The following THRB variants were observed in gnomAD, a reference collection of about 807,000 sequenced individuals.
The protein encoded by THRB is thyroid hormone receptor beta.
Under a neutral mutation model 47.8 loss-of-function variants are expected in THRB, and 12 were observed. The ratio of observed to expected loss-of-function variants is 0.25; its 90% confidence interval spans 0.16 to 0.41. THRB has a LOEUF of 0.41. Among genes scored for constraint, THRB ranks in the 10% least tolerant of loss-of-function variants. THRB has a pLI of 1.00. For missense variants in THRB, 348 were observed against 589.2 expected (o/e 0.59, Z 4.24); for synonymous variants, 218 against 212.2 (o/e 1.03, Z -0.24).
intron 3 of THRB, among the ~76,000 whole-genome samples, chr3:24,292,341 A>G (rs946741965): frequency 3.3e-5 from 5 of 152,170 alleles, no homozygotes; most frequent in African/African-American, 9.7e-5. Context: ...TGCTTTTACT[A>G]AAATGCTTTT....
At chr3:24,328,446 C>T (rs910340934) in intron 2 of THRB, among the ~76,000 whole-genome samples, 28 of 152,112 alleles carry the variant, frequency 1.8e-4, no homozygotes, top group African/African-American at 6.0e-4. Context: ...TCCAAATGTC[C>T]AAACCCAAAC....
intron 3 of THRB, among the ~76,000 whole-genome samples, chr3:24,256,520 TTAATAA>T (rs1003548931): frequency 1.3e-4 from 19 of 151,928 alleles, no homozygotes; most frequent in African/African-American, 4.4e-4. Flanking sequence ...GGAAGATATA[TTAATAA>T]TAATAATGAT....
At chr3:24,289,248 G>A (rs2055670644) in intron 3 of THRB, among the ~76,000 whole-genome samples, 1 of 152,104 alleles carries the variant, frequency 6.6e-6, no homozygotes, top group Admixed American at 6.6e-5. Flanking sequence ...AGATCTTTAG[G>A]TAGACAACTT....
At chr3:24,342,150 G>A (rs13085964) in intron 1 of THRB, among the ~76,000 whole-genome samples, 32,281 of 84,526 alleles carry the variant, frequency 0.38, 3,847 homozygotes, top group South Asian at 0.48. Flanking sequence ...TCCCTGTTGC[G>A]CTCAAAAAAA....
intron 1 of THRB, among the ~76,000 whole-genome samples, chr3:24,355,746 G>A (rs1181227573): frequency 6.6e-6 from 1 of 152,158 alleles, no homozygotes; most frequent in Non-Finnish European, 1.5e-5. Context: ...GGCAGAAAGG[G>A]TGTACACAAG....
At chr3:24,247,483 C>T (rs2050219010) in intron 3 of THRB, among the ~76,000 whole-genome samples, 2 of 152,178 alleles carry the variant, frequency 1.3e-5, no homozygotes, top group African/African-American at 2.4e-5. Flanking sequence ...ATGTGACTCC[C>T]TTGCCCAAAA....
At position 24,391,291 on chromosome 3, in the gene THRB, A is replaced by G. The variant is rs557203683; in HGVS notation, c.-260-53920T>C. Among the ~76,000 whole-genome samples the G allele has an allele frequency of 1.5e-4, 23 of 152,264 alleles. No homozygotes were observed. In the South Asian group the frequency reaches 3.1e-3, roughly 21 times the overall value. The stretch of plus-strand genomic sequence containing the variant: ...GAATAATTATAATTCAGCTACAGAA[A>G]AGGTCTTGTGGAGAGTTGTCTCTTT... On this transcript the variant is annotated intron_variant, in intron 1 of 10. Transcript: ENST00000646209.
intron 1 of THRB, among the ~76,000 whole-genome samples, chr3:24,347,091 T>C (rs1009130447): frequency 1.3e-5 from 2 of 151,964 alleles, no homozygotes; most frequent in Admixed American, 1.3e-4. Flanking sequence ...AATAATAAAA[T>C]AACTAAAAAT....
At chr3:24,399,090 A>C (rs376320914) in intron 1 of THRB, among the ~76,000 whole-genome samples, 219 of 145,016 alleles carry the variant, frequency 1.5e-3, no homozygotes, top group African/African-American at 4.8e-3. Flanking sequence ...GGGTGGGGGG[A>C]GTGGGGAGGG....
chr3:24,397,370 T>C (rs533558214), intron 1 of THRB, among the ~76,000 whole-genome samples: 1 of 152,166 alleles, frequency 6.6e-6, no homozygotes, highest in South Asian at 2.1e-4. Context: ...TGCTTAGAGA[T>C]TTGCTCCAAG....
intron 2 of THRB, among the ~76,000 whole-genome samples, chr3:24,298,103 T>C (rs1049930412): frequency 6.6e-6 from 1 of 152,216 alleles, no homozygotes; most frequent in Non-Finnish European, 1.5e-5. Flanking sequence ...GTTGTGCATA[T>C]GAAATGTGAG....
chr3:24,132,159 A>G (rs2033959753), intron 9 of THRB, among the ~76,000 whole-genome samples: 1 of 152,138 alleles, frequency 6.6e-6, no homozygotes, highest in South Asian at 2.1e-4. Context: ...CAGGTGAGGA[A>G]ACTTAGCTTC....
chr3:24,483,573 G>A (rs1271610895), intron 1 of THRB, among the ~76,000 whole-genome samples: 1 of 151,334 alleles, frequency 6.6e-6, no homozygotes, highest in Non-Finnish European at 1.5e-5. Context: ...AACACTCTTT[G>A]CATACTATGA....
At chr3:24,328,276 CA>C (rs1415014624) in intron 2 of THRB, among the ~76,000 whole-genome samples, 1 of 151,946 alleles carries the variant, frequency 6.6e-6, no homozygotes, top group Non-Finnish European at 1.5e-5. Context: ...GAAGTTAAGA[CA>C]AAATGTATAT....
At chr3:24,266,664 G>A (rs1316392728) in intron 3 of THRB, among the ~76,000 whole-genome samples, 1 of 152,082 alleles carries the variant, frequency 6.6e-6, no homozygotes, top group Non-Finnish European at 1.5e-5. Flanking sequence ...GCCAAGCCCA[G>A]GTCCCCAGCA....
intron 3 of THRB, among the ~76,000 whole-genome samples, chr3:24,247,457 G>A (rs946076111): frequency 3.9e-5 from 6 of 152,136 alleles, no homozygotes; most frequent in African/African-American, 1.2e-4. Flanking sequence ...ACAGTTGGGG[G>A]AACTAAAGTT....
chr3:24,481,279 G>A (rs1274976182), intron 1 of THRB, among the ~76,000 whole-genome samples: 2 of 124,014 alleles, frequency 1.6e-5, no homozygotes, highest in African/African-American at 6.6e-5. Flanking sequence ...AAACAGCAGA[G>A]CTTTTCTGCA....
chr3:24,398,185 G>A (rs988767493), intron 1 of THRB, among the ~76,000 whole-genome samples: 2 of 152,012 alleles, frequency 1.3e-5, no homozygotes, highest in African/African-American at 4.8e-5. Flanking sequence ...ATAGAAGAGG[G>A]AAAATGTGGG....
intron 6 of THRB, among the ~76,000 whole-genome samples, chr3:24,149,403 T>C (rs545214229): frequency 6.6e-6 from 1 of 152,154 alleles, no homozygotes; most frequent in African/African-American, 2.4e-5. Context: ...TGTTCAGGGG[T>C]GGGTTTAGGG....
Sources: allele counts gnomAD v4.1 joint callset (sites outside exome capture counted in the v4.1 genomes callset), GRCh38; gene constraint gnomAD v4.1.1; transcripts MANE v1.5; gene names NCBI Gene and HGNC (gene_info 2026-07-23, HGNC 2026-07-21).